The following TBX1 variants were observed in gnomAD, a reference collection of about 807,000 sequenced individuals.
TBX1 encodes the protein T-box transcription factor 1, also known as T-box transcription factor TBX1.
A neutral mutation model predicts 40.8 loss-of-function variants in TBX1; 16 were observed. That is an observed-to-expected ratio of 0.39 (90% CI 0.27 to 0.60). The LOEUF (loss-of-function observed/expected upper bound fraction) is 0.60. TBX1 is among the 20% of genes least tolerant of loss of function. The pLI is 0.51. For synonymous variants in TBX1, 403 were observed against 336.8 expected, an observed-to-expected ratio of 1.20 and a Z score of -2.15; for missense variants, 755 against 728.5, an observed-to-expected ratio of 1.04 and a Z score of -0.42.
chr22:19,780,193 A>AT (rs1937125781), downstream of TBX1, among the ~76,000 whole-genome samples: 1 of 152,210 alleles, frequency 6.6e-6, no homozygotes, highest in Non-Finnish European at 1.5e-5. Context: ...GTCCATCCAC[A>AT]TGACTGTGCA....
At chr22:19,771,846 A>G (rs1936995268), downstream of TBX1, among the ~76,000 whole-genome samples, 1 of 152,216 alleles carries the variant, frequency 6.6e-6, no homozygotes. Context: ...GGCAGTTGCC[A>G]GGGTGCTGCA....
At chr22:19,759,766 C>G (rs974345858), upstream of TBX1, 8 of 1,467,526 alleles carry the variant, frequency 5.5e-6, no homozygotes, top group Non-Finnish European at 7.5e-6. Context: ...TAGGTGGAGG[C>G]AGCTCTTGGT....
At chr22:19,780,401 G>A (rs1400924420), downstream of TBX1, among the ~76,000 whole-genome samples, 2 of 152,318 alleles carry the variant, frequency 1.3e-5, no homozygotes, top group African/African-American at 4.8e-5. Flanking sequence ...AGTTCACTGA[G>A]TGTAAGGACC....
At chr22:19,783,359 G>A, downstream of TBX1, 1 of 363,682 alleles carries the variant, frequency 2.7e-6, no homozygotes. Context: ...GCAAGAGGTG[G>A]CAGGGGACAG....
At chr22:19,767,669 C>T (rs1024903834), downstream of TBX1, among the ~76,000 whole-genome samples, 9 of 152,250 alleles carry the variant, frequency 5.9e-5, no homozygotes, top group Admixed American at 1.3e-4. Context: ...TTCCTCCCAC[C>T]TGCAGTTGTC....
In TBX1 at chr22:19,766,804, C is replaced by T; in HGVS notation, c.1452C>T (p.Ala484=). The part of the protein sequence containing the change: ...AAAAAAAAAA[A]ANMYSSAGAA... ...CCGCCGCTGCCGCAGCTGCCGCGGCCGCCAACATGTACTCGTCGGCCGGAG... is the reference window on the plus strand; with the variant it reads ...CCGCCGCTGCCGCAGCTGCCGCGGCTGCCAACATGTACTCGTCGGCCGGAG... Residue 484 remains alanine, a synonymous_variant, in exon 7 of 7, where the codon GCC becomes GCT. Coordinates refer to ENST00000649276, the MANE Select transcript of TBX1 (RefSeq NM_001379200.1). 2.0e-6 allele frequency: 3 copies of T among 1,529,920 alleles called. No homozygotes were observed. Among genetic ancestry groups the T allele is most frequent in the Non-Finnish European group, 2.6e-6 (3 of 1,153,264 alleles). 94.8% of individuals were successfully genotyped at this position (1,529,920 alleles called of 1,614,324 possible).
chr22:19,758,513 C>T (rs1936536756), upstream of TBX1, among the ~76,000 whole-genome samples: 1 of 152,208 alleles, frequency 6.6e-6, no homozygotes, highest in Admixed American at 6.5e-5. Flanking sequence ...GAGCGGCGGG[C>T]CTCGGCCTCA....
chr22:19,768,978 T>TTTTTTTTTTTTTTTTTA (rs869210750), downstream of TBX1, among the ~76,000 whole-genome samples: 1 of 135,386 alleles, frequency 7.4e-6, no homozygotes, highest in African/African-American at 3.0e-5. Flanking sequence ...TTTTTTTTTT[T>TTTTTTTTTTTTTTTTTA]GAGACTGAGT....
chr22:19,766,157 G>C, intron 6 of TBX1, 155 bp downstream of exon 6: 1 of 760,982 alleles, frequency 1.3e-6, no homozygotes, highest in Non-Finnish European at 1.6e-6. Context: ...GCACTCGCCC[G>C]CCCGGCCCGA....
At chr22:19,764,494 G>A (rs1323371546) in intron 3 of TBX1, among the ~76,000 whole-genome samples, 168 bp downstream of exon 3, 3 of 152,258 alleles carry the variant, frequency 2.0e-5, no homozygotes, top group Admixed American at 2.0e-4. Flanking sequence ...TAGAGGCTGA[G>A]GCGGAGCTTG....
In TBX1 at chr22:19,766,679, G is replaced by A; in HGVS notation, c.1327G>A (p.Ala443Thr). ...DHYLGAKSRP[A>T]PYPLPGLRGH... ...CTATCTCGGGGCCAAGAGCCGGCCGGCGCCCTACCCGCTGCCCGGCCTGCG... is the reference window on the plus strand; with the variant it reads ...CTATCTCGGGGCCAAGAGCCGGCCGACGCCCTACCCGCTGCCCGGCCTGCG... Residue 443 changes from alanine (A) to threonine (T), a missense_variant, in exon 7 of 7, where the codon GCG becomes ACG. Coordinates refer to ENST00000649276, the MANE Select transcript of TBX1 (RefSeq NM_001379200.1). 6.5e-7 allele frequency: 1 copy of A among 1,549,842 alleles called. No homozygotes were observed. Among genetic ancestry groups the A allele is most frequent in the Non-Finnish European group, 8.6e-7 (1 of 1,156,594 alleles).
intron 8 of TBX1, among the ~76,000 whole-genome samples, chr22:19,777,375 A>G (rs1601306677): frequency 6.6e-6 from 1 of 152,272 alleles, no homozygotes; most frequent in Admixed American, 6.5e-5. Flanking sequence ...CCATGTCCCT[A>G]TGAAGGACAT....
rs1261816867 is a variant in TBX1, at chr22:19,766,317, G to A, written c.1037-72G>A. 5.7e-6 allele frequency: 7 copies of A among 1,224,042 alleles called. No individual in the cohort carries two copies. The African/African-American group carries it at 9.5e-5, about 17-fold the overall frequency. The allele number at this position is 1,224,042 out of a possible 1,614,324, so 75.8% of individuals were successfully genotyped here. A position where few individuals can be genotyped will look rare whatever the true frequency, so the allele number is the denominator to read the frequency against. On this transcript the variant is annotated intron_variant, in intron 6 of 6. Coordinates refer to ENST00000649276, the MANE Select transcript of TBX1 (RefSeq NM_001379200.1). ...CGGCCAAGAGCCTTCTCTCCGCCAG[G>A]GCCTCGCATGGGGCGTCGGAGCTCC...
intron 8 of TBX1, among the ~76,000 whole-genome samples, chr22:19,777,819 G>C (rs1227951252): frequency 6.6e-6 from 1 of 150,928 alleles, no homozygotes; most frequent in Non-Finnish European, 1.5e-5. Context: ...GAGTGCAGTG[G>C]TATGATCATG....
rs755937050 is a variant in TBX1, at chr22:19,766,704, G to A, written c.1352G>A (p.Arg451His). Residue 451 changes from arginine (R) to histidine (H), a missense_variant, in exon 7 of 7, where the codon CGT (arginine) becomes CAT (histidine). Transcript: ENST00000649276. ...RPAPYPLPGL[R>H]GHGYHPHAHP... ...GCGCCCTACCCGCTGCCCGGCCTGC[G>A]TGGCCACGGCTACCACCCGCACGCG... 2 of 1,544,892 alleles carry A rather than the reference G, an allele frequency of 1.3e-6. No individual in the cohort carries two copies. The highest frequency in any genetic ancestry group is 1.4e-5 in the African/African-American group (1 of 70,376).
chr22:19,759,601 C>T (rs757372720), upstream of TBX1: 12 of 1,608,664 alleles, frequency 7.5e-6, 1 homozygote, highest in Admixed American at 1.8e-4. Flanking sequence ...CAGGGTCCTC[C>T]GACCGGGTGA....
chr22:19,766,455 C>G lies in TBX1; in HGVS notation c.1103C>G (p.Ala368Gly). ...GGGCCAGCAGTGCTCGGGGACCCGG[C>G]GCATCCTCCGCAGCTGCTGGCCCGG... is the stretch of plus-strand genomic sequence containing the variant. ...AGGPAVLGDP[A>G]HPPQLLARVL... Residue 368 changes from alanine (A) to glycine (G), a missense_variant, in exon 7 of 7, where the codon GCG becomes GGG. Ala to Gly is a moderately conservative substitution (Grantham distance 60). Transcript: ENST00000649276. 1 of 1,328,030 alleles carries G rather than the reference C, an allele frequency of 7.5e-7. No homozygotes were observed. The highest frequency in any genetic ancestry group is 9.7e-7 in the Non-Finnish European group (1 of 1,031,826). 82.3% of individuals were successfully genotyped at this position (1,328,030 alleles called of 1,614,324 possible).
rs987951145 is a variant in TBX1 at position 19,767,055 on chromosome 22, G to A, written c.*188G>A. The A allele has an allele frequency of 3.1e-6, 4 of 1,300,180 alleles. No homozygotes were observed. The highest frequency in any genetic ancestry group is 3.9e-6 in the Non-Finnish European group (4 of 1,027,936). The allele number at this position is 1,300,180 out of a possible 1,614,324, so 80.5% of individuals were successfully genotyped here. A position where few individuals can be genotyped will look rare whatever the true frequency, so the allele number is the denominator to read the frequency against. Reference sequence around the variant, plus strand: ...ACCCCCAGCCCCTTGGGCTATCGAAGTATCCGGTTCCCCAGTCCCTGGAGC... The same window carrying A: ...ACCCCCAGCCCCTTGGGCTATCGAAATATCCGGTTCCCCAGTCCCTGGAGC... On this transcript the variant is annotated 3_prime_UTR_variant, in exon 7 of 7. Transcript: ENST00000649276.
chr22:19,760,468 C>T (rs1013365246), upstream of TBX1, among the ~76,000 whole-genome samples: 5 of 147,960 alleles, frequency 3.4e-5, no homozygotes, highest in African/African-American at 1.2e-4. Flanking sequence ...AGGAAAAGAA[C>T]GTCTGGGAGA....
Sources: gnomAD v4.1 joint callset for allele counts (sites outside exome capture counted in the v4.1 genomes callset) on GRCh38, gnomAD v4.1.1 for gene constraint, MANE v1.5 for transcripts, NCBI Gene and HGNC (gene_info 2026-07-23, HGNC 2026-07-21) for gene names.